SNX29: variants seen among roughly 807,000 people sequenced by gnomAD.
The protein encoded by SNX29 is sorting nexin 29.
In SNX29, 78 loss-of-function variants were observed where a neutral mutation model predicts 102.1. That is an observed-to-expected ratio of 0.76 (90% CI 0.64 to 0.92). SNX29 has a LOEUF of 0.92. Ranked by LOEUF, SNX29 falls within the 40% of genes least tolerant of loss-of-function variation. The pLI is 0.00. For missense variants in SNX29, 1,280 were observed against 1,061.7 expected (o/e 1.21, Z -2.86); for synonymous variants, 580 against 414.5 (o/e 1.40, Z -4.85).
At chr16:12,353,715 G>C (rs989905196) in intron 15 of SNX29, among the ~76,000 whole-genome samples, 1 of 152,224 alleles carries the variant, frequency 6.6e-6, no homozygotes, top group African/African-American at 2.4e-5. Flanking sequence ...GAGCAGAGAA[G>C]GCCTGTGGGG....
At chr16:12,167,926 C>T (rs571161913) in intron 13 of SNX29, among the ~76,000 whole-genome samples, 4 of 152,186 alleles carry the variant, frequency 2.6e-5, no homozygotes, top group Admixed American at 2.0e-4. Flanking sequence ...AAGGAGACTG[C>T]GTGGCTCACA....
chr16:12,536,151 C>T (rs1056002236), intron 20 of SNX29, among the ~76,000 whole-genome samples: 8 of 152,096 alleles, frequency 5.3e-5, no homozygotes, highest in African/African-American at 1.2e-4. Context: ...CGCCTGTGAG[C>T]GCAGAATCTC....
At chr16:12,446,047 CTTTTTTTTT>C (rs60889973) in intron 18 of SNX29, among the ~76,000 whole-genome samples, 3 of 98,594 alleles carry the variant, frequency 3.0e-5, no homozygotes, top group African/African-American at 4.3e-5. Flanking sequence ...GCTTCTCATT[CTTTTTTTTT>C]TTTTTTTTTT....
intron 13 of SNX29, among the ~76,000 whole-genome samples, chr16:12,138,468 A>G (rs571762838): frequency 1.5e-4 from 23 of 152,082 alleles, no homozygotes; most frequent in African/African-American, 5.3e-4. Flanking sequence ...TTGGCCTCCT[A>G]AAGTGCTGGG....
chr16:12,179,845 A>G (rs1244396453), intron 13 of SNX29, among the ~76,000 whole-genome samples: 1 of 143,710 alleles, frequency 7.0e-6, no homozygotes, highest in Non-Finnish European at 1.6e-5. Context: ...ATGTTACTAC[A>G]TTTTCTTGAG....
chr16:12,502,144 G>A (rs1468758753), intron 19 of SNX29, among the ~76,000 whole-genome samples: 1 of 152,200 alleles, frequency 6.6e-6, no homozygotes, highest in Non-Finnish European at 1.5e-5. Context: ...GCGAGACTTG[G>A]AAGTGAAGCT....
At chr16:12,208,661 G>A (rs949796362) in intron 14 of SNX29, among the ~76,000 whole-genome samples, 4 of 152,012 alleles carry the variant, frequency 2.6e-5, no homozygotes, top group Non-Finnish European at 5.9e-5. Flanking sequence ...GACGGAGCAA[G>A]AGGTCGTCTC....
intron 20 of SNX29, among the ~76,000 whole-genome samples, chr16:12,534,532 C>G (rs1017991401): frequency 6.6e-6 from 1 of 152,184 alleles, no homozygotes; most frequent in South Asian, 2.1e-4. Context: ...CTTTGGAGGG[C>G]AGTTGTGTCA....
intron 19 of SNX29, among the ~76,000 whole-genome samples, chr16:12,523,167 G>C (rs1036444972): frequency 6.6e-6 from 1 of 152,138 alleles, no homozygotes; most frequent in Admixed American, 6.5e-5. Flanking sequence ...GGTTTTTCTC[G>C]TTGCTGACAG....
intron 13 of SNX29, among the ~76,000 whole-genome samples, chr16:12,155,127 C>G (rs1244200239): frequency 6.6e-6 from 1 of 152,090 alleles, no homozygotes; most frequent in African/African-American, 2.4e-5. Flanking sequence ...TTGTCCTGCC[C>G]CCGTTGGTTG....
At chr16:12,389,309 C>T (rs932106710) in intron 16 of SNX29, among the ~76,000 whole-genome samples, 1 of 152,130 alleles carries the variant, frequency 6.6e-6, no homozygotes, top group Non-Finnish European at 1.5e-5. Flanking sequence ...ATTGTAGCCC[C>T]CACCATTCCC....
intron 15 of SNX29, among the ~76,000 whole-genome samples, chr16:12,299,079 C>G (rs1188240804): frequency 4.6e-5 from 7 of 151,530 alleles, no homozygotes; most frequent in African/African-American, 1.7e-4. Context: ...GTAGGTGAAT[C>G]ACTTGAGGTC....
intron 18 of SNX29, among the ~76,000 whole-genome samples, chr16:12,452,539 G>T (rs964907233): frequency 1.3e-5 from 2 of 152,226 alleles, no homozygotes; most frequent in African/African-American, 4.8e-5. Flanking sequence ...CCTGGAGGCA[G>T]GATGGGGTGA....
chr16:12,533,876 C>G (rs1173138034), intron 20 of SNX29, among the ~76,000 whole-genome samples: 1 of 152,206 alleles, frequency 6.6e-6, no homozygotes, highest in African/African-American at 2.4e-5. Flanking sequence ...GATAGAAGTC[C>G]TTGACCTTTT....
intron 20 of SNX29, among the ~76,000 whole-genome samples, chr16:12,533,394 C>T (rs1047407807): frequency 6.6e-6 from 1 of 152,150 alleles, no homozygotes; most frequent in South Asian, 2.1e-4. Flanking sequence ...GTCTTTCGCC[C>T]CTTTTGTGAT....
At chr16:12,008,529 A>G (rs2056535353) in intron 3 of SNX29, among the ~76,000 whole-genome samples, 2 of 152,232 alleles carry the variant, frequency 1.3e-5, no homozygotes, top group South Asian at 2.1e-4. Context: ...TCGGCCTCCC[A>G]AAGTGCTGGG....
chr16:12,036,790 A>T (rs62037728), intron 4 of SNX29, among the ~76,000 whole-genome samples: 51,543 of 151,948 alleles, frequency 0.34, 9,838 homozygotes, highest in Non-Finnish European at 0.43. Flanking sequence ...TCTATAGATG[A>T]TTGTCAGATG....
rs1023022158 is a variant in SNX29, at chr16:12,570,924, G to T, written c.*2295G>T. The T allele has an allele frequency of 8.8e-6, 2 of 226,772 alleles. No individual in the cohort carries two copies. Among genetic ancestry groups the T allele is most frequent in the Admixed American group, 1.1e-4 (2 of 17,420 alleles). 14.0% of individuals were successfully genotyped at this position (226,772 alleles called of 1,614,324 possible). A position where few individuals can be genotyped will look rare whatever the true frequency, so the allele number is the denominator to read the frequency against. On this transcript the variant is annotated 3_prime_UTR_variant, in exon 21 of 21. Coordinates refer to ENST00000566228, the MANE Select transcript of SNX29 (RefSeq NM_032167.5). ...ACCTGGTCTGCTCTCCAAAATGAGA[G>T]CATGTTCCTGGGAGCCACATGGGGA...
rs2055707761 is a variant in SNX29 at position 11,988,233 on chromosome 16, G to T, written c.8-11064G>T. 1.3e-5 allele frequency among the ~76,000 whole-genome samples: 2 copies of T among 150,374 alleles called. 1 individual carries two copies. The highest frequency in any genetic ancestry group is 4.2e-4 in the South Asian group (2 of 4,788). The stretch of plus-strand genomic sequence containing the variant: ...CACTTGAACCCGGGAGGCAGAGATT[G>T]CAGTGAGCCAAGATCATGCCACTGC... On this transcript the variant is annotated intron_variant, in intron 1 of 20. Transcript: ENST00000566228.
Sources: gnomAD v4.1 joint callset for allele counts (sites outside exome capture counted in the v4.1 genomes callset) on GRCh38, gnomAD v4.1.1 for gene constraint, MANE v1.5 for transcripts, NCBI Gene and HGNC (gene_info 2026-07-23, HGNC 2026-07-21) for gene names.